RANBP17: variants seen among roughly 807,000 people sequenced by gnomAD.
RANBP17 encodes ran-binding protein 17.
In RANBP17, 158 loss-of-function variants were observed where a neutral mutation model predicts 141.2. The observed-to-expected ratio is 1.12, with a 90% CI of 0.98 to 1.28. RANBP17 has a LOEUF of 1.28. RANBP17 is among the 50% of genes most tolerant of loss of function. The probability of loss-of-function intolerance (pLI) is 0.00; values close to 1 mark genes in which losing one functional copy is unlikely to be tolerated. For missense variants in RANBP17, 1,438 were observed against 1,290.7 expected (o/e 1.11, Z -1.75); for synonymous variants, 430 against 450.0 (o/e 0.96, Z 0.56).
In RANBP17 at chr5:171,117,847, G is replaced by GTTT. The variant is rs1755751106; in HGVS notation, c.1711-52281_1711-52280insTTT. On this transcript the variant is annotated intron_variant, in intron 14 of 27. Transcript: ENST00000523189. Reference sequence around the variant, plus strand: ...GTGGGGTTTTGTTGTTGTTGTTGTTGTTGTTGTTGTTGTTGTTTTGCTGTT... The same window carrying GTTT: ...GTGGGGTTTTGTTGTTGTTGTTGTTGTTTTTGTTGTTGTTGTTGTTTTGCTGTT... Among the ~76,000 whole-genome samples the GTTT allele has an allele frequency of 2.6e-5, 4 of 151,402 alleles. No individual in the cohort carries two copies. The Admixed American group carries it at 2.6e-4, about 10-fold the overall frequency.
intron 13 of RANBP17, among the ~76,000 whole-genome samples, chr5:170,967,502 A>T (rs1390095081): frequency 6.6e-6 from 1 of 151,840 alleles, no homozygotes; most frequent in Non-Finnish European, 1.5e-5. Context: ...GAAAATAGAT[A>T]ATATTGAAGG....
At chr5:171,128,415 A>C (rs79462502) in intron 14 of RANBP17, among the ~76,000 whole-genome samples, 6,996 of 152,248 alleles carry the variant, frequency 0.046, 203 homozygotes, top group East Asian at 0.12. Flanking sequence ...CAGGCACAGA[A>C]AGACAGTTAT....
chr5:170,924,707 G>T, intron 12 of RANBP17, 157 bp downstream of exon 12: 5 of 462,760 alleles, frequency 1.1e-5, no homozygotes, highest in South Asian at 5.9e-5. Context: ...GGGTATATTG[G>T]TAATTTGTTG....
At chr5:170,894,658 C>G (rs1769957799) in intron 4 of RANBP17, among the ~76,000 whole-genome samples, 1 of 151,804 alleles carries the variant, frequency 6.6e-6, no homozygotes, top group South Asian at 2.1e-4. Context: ...CTTTAACAGC[C>G]TGAACTTTTG....
chr5:171,271,945 A>G (rs1490053210), intron 25 of RANBP17, among the ~76,000 whole-genome samples: 3 of 152,198 alleles, frequency 2.0e-5, no homozygotes, highest in Non-Finnish European at 4.4e-5. Flanking sequence ...ATCAACCTAA[A>G]TGCCCATCAG....
intron 14 of RANBP17, among the ~76,000 whole-genome samples, chr5:171,006,685 T>C (rs1321960870): frequency 2.0e-5 from 3 of 151,178 alleles, no homozygotes; most frequent in African/African-American, 7.3e-5. Context: ...ACATGGCACA[T>C]GTATACATAT....
chr5:171,061,061 C>T (rs2127671910), intron 14 of RANBP17, among the ~76,000 whole-genome samples: 3 of 151,518 alleles, frequency 2.0e-5, no homozygotes, highest in African/African-American at 4.8e-5. Flanking sequence ...TTTTTTTCTT[C>T]ATTAGTCTTG....
intron 14 of RANBP17, among the ~76,000 whole-genome samples, chr5:171,074,826 G>T (rs1784821549): frequency 6.6e-6 from 1 of 152,126 alleles, no homozygotes; most frequent in African/African-American, 2.4e-5. Context: ...GAAAAAGCTT[G>T]TTTATATTAT....
chr5:171,017,337 C>T (rs1780510694), intron 14 of RANBP17, among the ~76,000 whole-genome samples: 2 of 152,162 alleles, frequency 1.3e-5, no homozygotes, highest in Admixed American at 6.5e-5. Flanking sequence ...ATACTGTCTT[C>T]CACAACGGTT....
chr5:171,171,619 G>A (rs777375050), intron 16 of RANBP17, among the ~76,000 whole-genome samples: 20 of 151,790 alleles, frequency 1.3e-4, no homozygotes, highest in Non-Finnish European at 2.8e-4. Flanking sequence ...TCAGAAATTC[G>A]TGTCCTAAAA....
chr5:171,010,599 C>T (rs1280253014), intron 14 of RANBP17, among the ~76,000 whole-genome samples: 1 of 152,082 alleles, frequency 6.6e-6, no homozygotes, highest in Non-Finnish European at 1.5e-5. Flanking sequence ...GCAGTTCACT[C>T]AGATGCTGGA....
rs1261810856 is a variant in RANBP17, at chr5:171,155,100, T to A, written c.1711-15030T>A. The stretch of plus-strand genomic sequence containing the variant: ...CTAGAAAAAAAAAAAAAAAAATATA[T>A]ATATATATATATATATATATGTACA... On this transcript the variant is annotated intron_variant, in intron 14 of 27. Transcript: ENST00000523189. Among the ~76,000 whole-genome samples, 887 of 121,978 alleles carry A rather than the reference T, an allele frequency of 7.3e-3. 10 individuals are homozygous for A. The highest frequency in any genetic ancestry group is 0.021 in the African/African-American group (617 of 29,938). 80.0% of individuals were successfully genotyped at this position (121,978 alleles called of 152,430 possible).
intron 14 of RANBP17, among the ~76,000 whole-genome samples, chr5:171,091,500 A>G (rs1036757960): frequency 6.6e-6 from 1 of 152,198 alleles, no homozygotes; most frequent in Admixed American, 6.5e-5. Context: ...TAATGTTGAA[A>G]TGAGTTAAGA....
At chr5:171,031,367 C>T (rs943129412) in intron 14 of RANBP17, among the ~76,000 whole-genome samples, 5 of 152,090 alleles carry the variant, frequency 3.3e-5, no homozygotes, top group East Asian at 3.9e-4. Context: ...ATGTGACTTT[C>T]GGACTATTCT....
At chr5:171,026,380 A>AT (rs1431261094) in intron 14 of RANBP17, among the ~76,000 whole-genome samples, 2 of 152,134 alleles carry the variant, frequency 1.3e-5, no homozygotes. Flanking sequence ...AACCTAATTG[A>AT]TCTTTCTCTA....
intron 14 of RANBP17, among the ~76,000 whole-genome samples, chr5:171,027,377 T>C (rs957317743): frequency 7.9e-5 from 12 of 152,212 alleles, no homozygotes; most frequent in Non-Finnish European, 1.6e-4. Context: ...TATCTCCTTA[T>C]GATGCTTTTG....
intron 14 of RANBP17, among the ~76,000 whole-genome samples, chr5:171,027,402 G>A (rs991963995): frequency 6.6e-6 from 1 of 152,038 alleles, no homozygotes; most frequent in African/African-American, 2.4e-5. Context: ...ATTAATATAG[G>A]TGGAATTACC....
At chr5:170,961,629 A>G (rs1218654604) in intron 13 of RANBP17, among the ~76,000 whole-genome samples, 1 of 152,202 alleles carries the variant, frequency 6.6e-6, no homozygotes, top group African/African-American at 2.4e-5. Flanking sequence ...ATTTCAGATT[A>G]TGGATTTTTG....
chr5:170,964,465 T>C (rs1195839928), intron 13 of RANBP17, among the ~76,000 whole-genome samples: 2 of 152,154 alleles, frequency 1.3e-5, no homozygotes. Flanking sequence ...GTTACATATG[T>C]ATACATGTAC....
Sources: allele counts gnomAD v4.1 joint callset (sites outside exome capture counted in the v4.1 genomes callset), GRCh38; gene constraint gnomAD v4.1.1; transcripts MANE v1.5; gene names NCBI Gene and HGNC (gene_info 2026-07-23, HGNC 2026-07-21).